The following CYP4Z1 variants were observed in gnomAD, a reference collection of about 807,000 sequenced individuals.
The protein encoded by CYP4Z1 is cytochrome P450 4Z1.
A neutral mutation model predicts 54.2 loss-of-function variants in CYP4Z1; 41 were observed. That is an observed-to-expected ratio of 0.76 (90% CI 0.59 to 0.98). The LOEUF is 0.98. Among genes scored for constraint, CYP4Z1 ranks in the 50% least tolerant of loss-of-function variants. The probability of loss-of-function intolerance (pLI) is 0.00; values close to 1 mark genes in which losing one functional copy is unlikely to be tolerated. For synonymous variants in CYP4Z1, 163 were observed against 206.2 expected (o/e 0.79, Z 1.79); for missense variants, 513 against 599.0 (o/e 0.86, Z 1.50).
At chr1:47,101,952 G>A (rs1644725040) in intron 8 of CYP4Z1, among the ~76,000 whole-genome samples, 1 of 152,104 alleles carries the variant, frequency 6.6e-6, no homozygotes, top group Admixed American at 6.6e-5. Context: ...AATGTTGGAT[G>A]CATACATGTT....
At chr1:47,099,805 A>G (rs11582907) in intron 8 of CYP4Z1, among the ~76,000 whole-genome samples, 14,295 of 152,262 alleles carry the variant, frequency 0.094, 717 homozygotes, top group East Asian at 0.22. Context: ...CAAACTGATC[A>G]TGTTTTAAAA....
At chr1:47,108,463 G>A (rs1222619122) in intron 9 of CYP4Z1, among the ~76,000 whole-genome samples, 3 of 151,946 alleles carry the variant, frequency 2.0e-5, no homozygotes, top group Non-Finnish European at 4.4e-5. Flanking sequence ...CCTCATATCC[G>A]CCAGACCCAC....
rs1252643400 is a variant in CYP4Z1, at chr1:47,068,721, G to C, written c.277G>C (p.Val93Leu). 6 of 1,614,148 alleles carry C rather than the reference G, an allele frequency of 3.7e-6. No individual in the cohort carries two copies. The highest frequency in any genetic ancestry group is 4.2e-6 in the Non-Finnish European group (5 of 1,180,006). ...TGGACCCTTTACGATGTTCTTCAGTGTCCATGACCCAGACTATGCCAAGAT... is the reference window on the plus strand; with the variant it reads ...TGGACCCTTTACGATGTTCTTCAGTCTCCATGACCCAGACTATGCCAAGAT... The part of the protein sequence containing the change: ...WVGPFTMFFS[V>L]HDPDYAKILL... The change falls in exon 2 of 12, where the codon GTC becomes CTC. Residue 93 changes from valine (V) to leucine (L), a missense_variant. By Grantham distance (32) the Val-to-Leu change is conservative. Transcript: ENST00000334194.
chr1:47,078,907 T>C (rs1471713152), intron 2 of CYP4Z1, among the ~76,000 whole-genome samples: 1 of 151,202 alleles, frequency 6.6e-6, no homozygotes, highest in African/African-American at 2.4e-5. Flanking sequence ...GTGAGAACTT[T>C]TTAAAGCATT....
intron 6 of CYP4Z1, among the ~76,000 whole-genome samples, chr1:47,089,869 G>T (rs574975629): frequency 3.6e-3 from 536 of 150,860 alleles, no homozygotes; most frequent in African/African-American, 0.013. Flanking sequence ...AGTTAGGTTT[G>T]CTTAGAGAAT....
chr1:47,098,365 A>G (rs1017949400), intron 7 of CYP4Z1, among the ~76,000 whole-genome samples: 1 of 152,090 alleles, frequency 6.6e-6, no homozygotes, highest in African/African-American at 2.4e-5. Context: ...TACATATTTT[A>G]TTCTTTTGTG....
In CYP4Z1 at chr1:47,094,606, G is replaced by A; in HGVS notation, c.813G>A (p.Lys271=). 1.2e-6 allele frequency: 2 copies of A among 1,609,336 alleles called. No homozygotes were observed. The highest frequency in any genetic ancestry group is 1.7e-6 in the Non-Finnish European group (2 of 1,178,550). Reference sequence around the variant, plus strand: ...ACCGGAAGGAGTCTCTTAAGGATAAGCTAAAACAAGATACTACTCAGAAAA... The same window carrying A: ...ACCGGAAGGAGTCTCTTAAGGATAAACTAAAACAAGATACTACTCAGAAAA... ...IQDRKESLKD[K]LKQDTTQKRR... Residue 271 remains lysine, a synonymous_variant, in exon 7 of 12, where the codon AAG becomes AAA. Transcript: ENST00000334194.
At chr1:47,109,436 A>T (rs1644778083) in intron 9 of CYP4Z1, among the ~76,000 whole-genome samples, 1 of 152,212 alleles carries the variant, frequency 6.6e-6, no homozygotes, top group African/African-American at 2.4e-5. Context: ...TACTTTAGGA[A>T]AAGTGTATAT....
the CYP4Z1 span, among the ~76,000 whole-genome samples, chr1:47,056,295 T>C: frequency 6.6e-6 from 1 of 152,196 alleles, no homozygotes; most frequent in Non-Finnish European, 1.5e-5. Context: ...CAGTTTGTTA[T>C]AATTTCTGTT....
rs1644677468 is a variant in CYP4Z1, at chr1:47,096,466, ATT to A, written c.876+1800_876+1801del. Reference sequence around the variant, plus strand: ...TAGAAAAATAGTACACACTGTTTTTATTTTGAGTTAATACCTTTTTTCTTTTT... The same window carrying A: ...TAGAAAAATAGTACACACTGTTTTTATTGAGTTAATACCTTTTTTCTTTTT... On this transcript the variant is annotated intron_variant, in intron 7 of 11. Transcript: ENST00000334194. Among the ~76,000 whole-genome samples the A allele has an allele frequency of 3.3e-5, 5 of 152,256 alleles. No individual in the cohort carries two copies. The South Asian group carries it at 8.3e-4, about 25-fold the overall frequency.
chr1:47,098,411 C>G (rs913969592), intron 7 of CYP4Z1, among the ~76,000 whole-genome samples: 2 of 152,098 alleles, frequency 1.3e-5, no homozygotes, highest in Non-Finnish European at 2.9e-5. Flanking sequence ...TGATTTGGCT[C>G]TTGGATTACC....
chr1:47,112,543 T>C (rs1395153226), intron 9 of CYP4Z1, among the ~76,000 whole-genome samples: 1 of 152,080 alleles, frequency 6.6e-6, no homozygotes, highest in Non-Finnish European at 1.5e-5. Flanking sequence ...TGAACAAAAA[T>C]ATATTTAGAT....
At chr1:47,112,289 A>G (rs1398705711) in intron 9 of CYP4Z1, among the ~76,000 whole-genome samples, 1 of 152,202 alleles carries the variant, frequency 6.6e-6, no homozygotes, top group Admixed American at 6.5e-5. Context: ...TGTATAATAC[A>G]TAATTTACTA....
At chr1:47,055,933 G>A in the CYP4Z1 span, among the ~76,000 whole-genome samples, 6 of 152,056 alleles carry the variant, frequency 3.9e-5, no homozygotes, top group Non-Finnish European at 8.8e-5. Context: ...GTTCTGCTCT[G>A]ATCTTAGTTG....
chr1:47,116,358 T>C (rs1444475687), intron 10 of CYP4Z1, among the ~76,000 whole-genome samples: 4 of 152,138 alleles, frequency 2.6e-5, no homozygotes, highest in Non-Finnish European at 4.4e-5. Flanking sequence ...AATAATGAAG[T>C]CACTATTTGC....
At chr1:47,079,584 T>C (rs1164826789) in intron 2 of CYP4Z1, among the ~76,000 whole-genome samples, 2 of 152,368 alleles carry the variant, frequency 1.3e-5, no homozygotes, top group African/African-American at 4.8e-5. Flanking sequence ...TCCTTAACAA[T>C]TCTATCAATC....
chr1:47,082,778 C>T (rs1286635996), intron 4 of CYP4Z1, among the ~76,000 whole-genome samples: 1 of 150,976 alleles, frequency 6.6e-6, no homozygotes, highest in African/African-American at 2.4e-5. Context: ...GCCATGCCAA[C>T]ATAGAGAAAT....
At position 47,117,983 on chromosome 1, in the gene CYP4Z1, G is replaced by C. The variant is rs772713814; in HGVS notation, c.*49G>C. The C allele has an allele frequency of 6.4e-7, 1 of 1,564,956 alleles. No homozygotes were observed. Among genetic ancestry groups the C allele is most frequent in the African/African-American group, 1.4e-5 (1 of 73,086 alleles). On this transcript the variant is annotated 3_prime_UTR_variant, in exon 12 of 12. Coordinates refer to ENST00000334194, the MANE Select transcript of CYP4Z1 (RefSeq NM_178134.3). ...TTAATGAGACAATTTTCCTACCAAA[G>C]GAAGAACAAAAGGATAAATATAATA...
chr1:47,060,235 G>A, the CYP4Z1 span, among the ~76,000 whole-genome samples: 5 of 152,082 alleles, frequency 3.3e-5, no homozygotes, highest in Non-Finnish European at 7.4e-5. Context: ...AATGTAAATG[G>A]GCTAAATGTC....
Sources: gnomAD v4.1 joint callset for allele counts (sites outside exome capture counted in the v4.1 genomes callset) on GRCh38, gnomAD v4.1.1 for gene constraint, MANE v1.5 for transcripts, NCBI Gene and HGNC (gene_info 2026-07-23, HGNC 2026-07-21) for gene names.